The following GRID2 variants were observed in gnomAD, a reference collection of about 807,000 sequenced individuals.
The protein encoded by GRID2 is glutamate ionotropic receptor delta type subunit 2.
In GRID2, 33 loss-of-function variants were observed where a neutral mutation model predicts 114.8. That is an observed-to-expected ratio of 0.29 (90% confidence interval 0.22 to 0.38). GRID2 has a LOEUF of 0.38. Among genes scored for constraint, GRID2 ranks in the 10% least tolerant of loss-of-function variants. The pLI, the probability that GRID2 is intolerant of heterozygous loss-of-function variation, is 1.00. For missense variants in GRID2, 1,184 were observed against 1,257.7 expected, an observed-to-expected ratio of 0.94 and a Z score of 0.89; for synonymous variants, 505 against 449.9, an observed-to-expected ratio of 1.12 and a Z score of -1.55.
rs1416701689 is a variant in GRID2, at chr4:93,042,261, CTCTCTCTCTCTCTT to C, written c.245-42720_245-42707del. On this transcript the variant is annotated intron_variant, in intron 2 of 15. Transcript: ENST00000282020. ...ATATATTTTAAATCTCTCTCTCTCTCTCTCTCTCTCTCTTTCTCTCTCTCTCTCTCTCTCTCTCT... is the reference window on the plus strand; with the variant it reads ...ATATATTTTAAATCTCTCTCTCTCTCTCTCTCTCTCTCTCTCTCTCTCTCT... Among the ~76,000 whole-genome samples, 590 of 98,582 alleles carry C rather than the reference CTCTCTCTCTCTCTT, an allele frequency of 6.0e-3. 3 individuals are homozygous for C. The highest frequency in any genetic ancestry group is 9.6e-3 in the Non-Finnish European group (514 of 53,420). 64.7% of individuals were successfully genotyped at this position (98,582 alleles called of 152,430 possible).
chr4:92,530,508 GAAAA>G (rs70942906), intron 1 of GRID2, among the ~76,000 whole-genome samples: 56 of 107,238 alleles, frequency 5.2e-4, no homozygotes, highest in East Asian at 8.5e-4. Context: ...GACTAGTACA[GAAAA>G]AAAAAAAAAA....
chr4:92,518,666 AT>A (rs1724623853), intron 1 of GRID2, among the ~76,000 whole-genome samples: 1 of 151,694 alleles, frequency 6.6e-6, no homozygotes, highest in Non-Finnish European at 1.5e-5. Context: ...TGAACTGTAC[AT>A]TTAAAAGTAG....
chr4:93,014,347 T>G (rs1337893751), intron 2 of GRID2, among the ~76,000 whole-genome samples: 14 of 152,032 alleles, frequency 9.2e-5, no homozygotes, highest in Non-Finnish European at 1.9e-4. Context: ...AGCACAGAGA[T>G]AAGTGGGCAT....
chr4:93,573,316 A>C (rs1216849644), intron 13 of GRID2, among the ~76,000 whole-genome samples: 3 of 152,182 alleles, frequency 2.0e-5, no homozygotes, highest in African/African-American at 7.2e-5. Context: ...TATTTAAAAC[A>C]AGAGACAGAA....
At chr4:92,642,690 G>C (rs1731416497) in intron 2 of GRID2, among the ~76,000 whole-genome samples, 2 of 151,494 alleles carry the variant, frequency 1.3e-5, no homozygotes, top group African/African-American at 2.4e-5. Flanking sequence ...TTTTGGTTTT[G>C]TTGCAATTGC....
chr4:93,593,012 A>G (rs923883264), intron 13 of GRID2, among the ~76,000 whole-genome samples: 4 of 151,570 alleles, frequency 2.6e-5, no homozygotes, highest in Non-Finnish European at 4.4e-5. Context: ...TCTTTATCCA[A>G]TTTGCCAGTC....
At chr4:92,719,509 T>TA (rs1272503817) in intron 2 of GRID2, among the ~76,000 whole-genome samples, 1 of 152,116 alleles carries the variant, frequency 6.6e-6, no homozygotes, top group Non-Finnish European at 1.5e-5. Context: ...ACCAAAACAT[T>TA]AAAAAACAAC....
intron 2 of GRID2, among the ~76,000 whole-genome samples, chr4:92,886,019 A>T (rs1437416074): frequency 6.6e-6 from 1 of 152,150 alleles, no homozygotes; most frequent in African/African-American, 2.4e-5. Context: ...CTTGATTCTC[A>T]TGGTTTTCTT....
intron 2 of GRID2, among the ~76,000 whole-genome samples, chr4:92,839,594 G>C (rs1742734161): frequency 6.6e-6 from 1 of 151,610 alleles, no homozygotes; most frequent in Non-Finnish European, 1.5e-5. Context: ...GGTCATTCAA[G>C]AGCATATTGT....
chr4:93,447,066 A>T (rs1429684019), intron 10 of GRID2, among the ~76,000 whole-genome samples: 1 of 151,862 alleles, frequency 6.6e-6, no homozygotes, highest in South Asian at 2.1e-4. Context: ...AACAAAGACA[A>T]AATCTCAAAC....
intron 14 of GRID2, among the ~76,000 whole-genome samples, chr4:93,645,128 G>C (rs1721992227): frequency 6.6e-6 from 1 of 152,130 alleles, no homozygotes; most frequent in Non-Finnish European, 1.5e-5. Flanking sequence ...GAAGGCAAAA[G>C]AAATGAAAGG....
intron 2 of GRID2, among the ~76,000 whole-genome samples, chr4:92,836,064 T>C (rs1216285918): frequency 6.6e-6 from 1 of 152,152 alleles, no homozygotes; most frequent in Non-Finnish European, 1.5e-5. Flanking sequence ...ATACAACCAG[T>C]ATCTTCTTTT....
intron 13 of GRID2, among the ~76,000 whole-genome samples, chr4:93,610,942 C>A (rs1740820199): frequency 7.2e-6 from 1 of 138,136 alleles, no homozygotes; most frequent in African/African-American, 3.0e-5. Context: ...TCCATCTGGT[C>A]CTGGACTCTT....
intron 1 of GRID2, among the ~76,000 whole-genome samples, chr4:92,483,860 C>T (rs995688770): frequency 6.6e-6 from 1 of 152,108 alleles, no homozygotes; most frequent in Non-Finnish European, 1.5e-5. Context: ...TGTTTCCTGC[C>T]ACACCTGACA....
intron 14 of GRID2, among the ~76,000 whole-genome samples, chr4:93,726,106 T>C (rs922514177): frequency 1.3e-5 from 2 of 152,222 alleles, no homozygotes; most frequent in Non-Finnish European, 2.9e-5. Flanking sequence ...TCTAGGGTTT[T>C]TATGGTTTTA....
intron 13 of GRID2, among the ~76,000 whole-genome samples, chr4:93,535,044 A>G (rs1267259610): frequency 6.6e-6 from 1 of 151,978 alleles, no homozygotes; most frequent in East Asian, 1.9e-4. Context: ...AGGCTCTGGT[A>G]ACGACCATTC....
intron 13 of GRID2, among the ~76,000 whole-genome samples, chr4:93,584,023 G>A (rs1737271922): frequency 6.6e-6 from 1 of 152,090 alleles, no homozygotes; most frequent in African/African-American, 2.4e-5. Flanking sequence ...ATTGAAAAAT[G>A]ACCTCTATTA....
intron 13 of GRID2, among the ~76,000 whole-genome samples, chr4:93,573,708 C>T (rs1017010568): frequency 5.9e-5 from 9 of 152,060 alleles, no homozygotes; most frequent in African/African-American, 2.2e-4. Context: ...TTTAGTATAT[C>T]TCTAGTATGC....
At chr4:93,616,856 G>A (rs376324305) in intron 13 of GRID2, among the ~76,000 whole-genome samples, 250 of 150,424 alleles carry the variant, frequency 1.7e-3, no homozygotes, top group African/African-American at 5.3e-3. Context: ...TTAGCCAGGC[G>A]TGGTGGTGGG....
Sources: allele counts gnomAD v4.1 joint callset (sites outside exome capture counted in the v4.1 genomes callset), GRCh38; gene constraint gnomAD v4.1.1; transcripts MANE v1.5; gene names NCBI Gene and HGNC (gene_info 2026-07-23, HGNC 2026-07-21).